The following KRT6B variants were observed in gnomAD, a reference collection of about 807,000 sequenced individuals.
KRT6B encodes keratin 6B.
In KRT6B, 29 loss-of-function variants were observed where a neutral mutation model predicts 44.7. The observed-to-expected ratio is 0.65, with a 90% CI of 0.48 to 0.88. The LOEUF (loss-of-function observed/expected upper bound fraction) is 0.88, where lower values mean the gene tolerates loss of function less well. Among genes scored for constraint, KRT6B ranks in the 40% least tolerant of loss-of-function variants. KRT6B has a pLI of 0.00. For missense variants in KRT6B, 600 were observed against 724.0 expected (o/e 0.83, Z 1.97); for synonymous variants, 213 against 296.0 (o/e 0.72, Z 2.88).
rs780212659 is a variant in KRT6B, at chr12:52,449,850, C to T, written c.820G>A (p.Val274Met). 4.2e-5 allele frequency: 68 copies of T among 1,613,854 alleles called. No individual in the cohort carries two copies. Among genetic ancestry groups the T allele is most frequent in the Non-Finnish European group, 5.5e-5 (65 of 1,179,878 alleles). The change falls in exon 4 of 9, where the codon GTG becomes ATG. Residue 274 changes from valine to methionine, a missense_variant. Transcript: ENST00000252252. ...ACCTTGTTCATGTAGGCAGCATCCA[C>T]ATCCTGGGGAAAGAGCCAACAACCT... Reference protein sequence around the residue: ...ENEFVTLKKDVDAAYMNKVEL... With the variant: ...ENEFVTLKKDMDAAYMNKVEL...
Position 52,447,167 on chromosome 12 carries a change from G to A in KRT6B, c.*23C>T. ...CCAGAGAGGGGCCTGAGAGCTGTGG[G>A]ACTGAGAGCTGGCGGCAGCACTTCA... is the stretch of plus-strand genomic sequence containing the variant. On this transcript the variant is annotated 3_prime_UTR_variant, in exon 9 of 9. Coordinates refer to ENST00000252252, the MANE Select transcript of KRT6B (RefSeq NM_005555.4). The A allele has an allele frequency of 1.2e-6, 2 of 1,613,484 alleles. No individual in the cohort carries two copies. Among genetic ancestry groups the A allele is most frequent in the Non-Finnish European group, 1.7e-6 (2 of 1,179,862 alleles).
At position 52,447,381 on chromosome 12, in the gene KRT6B, C is replaced by T. The variant is rs149152547; in HGVS notation, c.1504G>A (p.Gly502Ser). The T allele has an allele frequency of 1.4e-5, 22 of 1,613,852 alleles. No individual in the cohort carries two copies. Among genetic ancestry groups the T allele is most frequent in the Middle Eastern group, 1.7e-4 (1 of 6,058 alleles). ...TVSSGYGGAS[G>S]VGSGLGLGGG... ...CCCAGGCCTAAGCCACTGCCGACAC[C>T]GCTGGCACCGCCATAGCCACTGGAG... Residue 502 changes from glycine (G) to serine (S), a missense_variant, in exon 9 of 9, where the codon GGT becomes AGT. Physicochemically the swap from Gly to Ser is moderately conservative, Grantham distance 56. This residue lies in a region of KRT6B where 479 missense variants were observed against 454.2 expected (regional missense o/e 1.05). Coordinates refer to ENST00000252252, the MANE Select transcript of KRT6B (RefSeq NM_005555.4).
chr12:52,448,791 T>A lies in KRT6B; in HGVS notation c.1203+51A>T, dbSNP rs374378055. 39 of 1,613,760 alleles carry A rather than the reference T, an allele frequency of 2.4e-5. No individual in the cohort carries two copies. The African/African-American group carries it at 4.5e-4, about 19-fold the overall frequency. ...TAAATGATGGGTGACTACTGCCTCA[T>A]GACCTAATAAAAAAAATGATGCTTT... is the stretch of plus-strand genomic sequence containing the variant. On this transcript the variant is annotated intron_variant, in intron 6 of 8. Coordinates refer to ENST00000252252, the MANE Select transcript of KRT6B (RefSeq NM_005555.4).
Position 52,447,108 on chromosome 12 carries a change from G to A in KRT6B, c.*82C>T, listed in dbSNP as rs1201438382. 2.5e-6 allele frequency: 4 copies of A among 1,574,104 alleles called. No individual in the cohort carries two copies. The highest frequency in any genetic ancestry group is 1.3e-5 in the African/African-American group (1 of 74,132). The stretch of plus-strand genomic sequence containing the variant: ...AGGGCAGGGGAGACTGGAGGCCAGG[G>A]GAGGACAAGCAACCTGAGGAGAGGG... On this transcript the variant is annotated 3_prime_UTR_variant, in exon 9 of 9. Coordinates refer to ENST00000252252, the MANE Select transcript of KRT6B (RefSeq NM_005555.4).
chr12:52,448,857 G>C lies in KRT6B; in HGVS notation c.1188C>G (p.Asp396Glu). 2.5e-6 allele frequency: 4 copies of C among 1,614,030 alleles called. No individual in the cohort carries two copies. Among genetic ancestry groups the C allele is most frequent in the Non-Finnish European group, 1.7e-6 (2 of 1,180,020 alleles). The change falls in exon 6 of 9, where the codon GAC (aspartate) becomes GAG (glutamate). Residue 396 changes from aspartate to glutamate, a missense_variant. Transcript: ENST00000252252. ...CTCACCATACCTGCTTCTTGACGTG[G>C]TCGATCTCAGATCTCAGCCTCTGGA... ...RMIQRLRSEI[D>E]HVKKQCANLQ...
Position 52,446,787 on chromosome 12 carries a change from C to G in KRT6B, c.*403G>C. The G allele has an allele frequency of 3.7e-6, 1 of 268,044 alleles. No homozygotes were observed. The highest frequency in any genetic ancestry group is 8.6e-5 in the East Asian group (1 of 11,590). 16.6% of individuals were successfully genotyped at this position (268,044 alleles called of 1,614,324 possible). On this transcript the variant is annotated 3_prime_UTR_variant, in exon 9 of 9. Transcript: ENST00000252252. The stretch of plus-strand genomic sequence containing the variant: ...ACACTGCAAGAGAAGATCAGGACAA[C>G]TGACTTGTCAGATGAGAACTCCTGA...
At chr12:52,450,855 C>T (rs1940392722) in intron 1 of KRT6B, among the ~76,000 whole-genome samples, 1 of 152,250 alleles carries the variant, frequency 6.6e-6, no homozygotes, top group Non-Finnish European at 1.5e-5. Context: ...AGCTATTGAT[C>T]ATCAGTGAGT....
At chr12:52,451,472 A>G in intron 1 of KRT6B, 67 bp downstream of exon 1, 1 of 1,613,140 alleles carries the variant, frequency 6.2e-7, no homozygotes, top group African/African-American at 1.3e-5. Flanking sequence ...TCTCTCCGGC[A>G]GGAAGGTGTT....
intron 5 of KRT6B, 113 bp downstream of exon 5, chr12:52,449,356 C>T: frequency 1.3e-6 from 2 of 1,484,236 alleles, no homozygotes; most frequent in South Asian, 1.1e-5. Context: ...AGTGCATGTC[C>T]TGTGAGAGGA....
chr12:52,450,191 G>A, intron 2 of KRT6B, 119 bp from the exon 3 acceptor site: 1 of 1,580,912 alleles, frequency 6.3e-7, no homozygotes, highest in South Asian at 1.1e-5. Flanking sequence ...TCCTGCCACA[G>A]AGAGCCAAAG....
In KRT6B at chr12:52,452,007, C is replaced by A. The variant is rs764749883; in HGVS notation, c.72G>T (p.Arg24Ser). Residue 24 changes from arginine (R) to serine (S), a missense_variant, in exon 1 of 9, where the codon AGG (arginine) becomes AGT (serine). Physicochemically the swap from Arg to Ser is moderately radical, Grantham distance 110. Around this residue, in one of 4 missense-constraint regions of KRT6B, gnomAD observed 78 missense variants for 97.5 expected, o/e 0.80. Coordinates refer to ENST00000252252, the MANE Select transcript of KRT6B (RefSeq NM_005555.4). ...SRRGFSANSA[R>S]LPGVSRSGFS... ...AGCCAGAGCGGCTGACCCCAGGGAGCCTGGCTGAGTTGGCACTGAAACCCC... is the reference window on the plus strand; with the variant it reads ...AGCCAGAGCGGCTGACCCCAGGGAGACTGGCTGAGTTGGCACTGAAACCCC... 167 of 1,613,818 alleles carry A rather than the reference C, an allele frequency of 1.0e-4. 1 individual carries two copies. The highest frequency in any genetic ancestry group is 1.4e-4 in the Non-Finnish European group (164 of 1,179,898).
chr12:52,451,277 C>T (rs1432376032), intron 1 of KRT6B, among the ~76,000 whole-genome samples: 2 of 149,590 alleles, frequency 1.3e-5, no homozygotes, highest in Non-Finnish European at 3.0e-5. Context: ...ACCTACTCCA[C>T]TCTCTGATGG....
intron 6 of KRT6B, 117 bp from the exon 7 acceptor site, chr12:52,448,115 G>A: frequency 7.6e-7 from 1 of 1,313,200 alleles, no homozygotes; most frequent in East Asian, 2.4e-5. Context: ...TGGTAAATGA[G>A]CTCTGACTCT....
chr12:52,450,917 A>C (rs1306023030), intron 1 of KRT6B, among the ~76,000 whole-genome samples: 1 of 152,246 alleles, frequency 6.6e-6, no homozygotes. Context: ...TCTAGTTTAA[A>C]AATACTAATT....
intron 7 of KRT6B, 22 bp from the exon 8 acceptor site, chr12:52,447,595 G>A (rs1455563855): frequency 1.9e-6 from 3 of 1,613,912 alleles, no homozygotes; most frequent in Non-Finnish European, 2.5e-6. Flanking sequence ...AACACAGGGA[G>A]GGTGAGACCT....
intron 3 of KRT6B, 28 bp downstream of exon 3, chr12:52,449,984 A>T: frequency 6.2e-7 from 1 of 1,613,858 alleles, no homozygotes; most frequent in Non-Finnish European, 8.5e-7. Context: ...TTCTAAATGA[A>T]TTTGAACCCC....
In KRT6B at chr12:52,447,283, G is replaced by T; in HGVS notation, c.1602C>A (p.Ala534=). 6.2e-7 allele frequency: 1 copy of T among 1,614,028 alleles called. No homozygotes were observed. Among genetic ancestry groups the T allele is most frequent in the East Asian group, 2.2e-5 (1 of 44,882 alleles). Reference sequence around the variant, plus strand: ...CAACAGAGCTGAGGCCACCCCCAGTGGCTCTGCCGCTGCTGGAACTAAAGC... The same window carrying T: ...CAACAGAGCTGAGGCCACCCCCAGTTGCTCTGCCGCTGCTGGAACTAAAGC... ...GGGFSSSSGR[A]TGGGLSSVGG... The change falls in exon 9 of 9, where the codon GCC becomes GCA. Residue 534 remains alanine, a synonymous_variant. Transcript: ENST00000252252.
At chr12:52,447,730 C>A (rs771242033) in intron 7 of KRT6B, 48 bp downstream of exon 7, 14 of 1,614,172 alleles carry the variant, frequency 8.7e-6, no homozygotes, top group Non-Finnish European at 1.2e-5. Context: ...AGTGCCAGAA[C>A]CTTGAAGATG....
chr12:52,449,558 G>A lies in KRT6B; in HGVS notation c.988C>T (p.Leu330=), dbSNP rs1238611853. ...TTGACCTCAGCGATGATGCTGTCCAGGTCCAGGTTGCGGTTGTTGTCCATG... is the reference window on the plus strand; with the variant it reads ...TTGACCTCAGCGATGATGCTGTCCAAGTCCAGGTTGCGGTTGTTGTCCATG... ...LSMDNNRNLD[L]DSIIAEVKAQ... is the part of the protein sequence containing the mutation. The change falls in exon 5 of 9, where the codon CTG becomes TTG. Residue 330 remains leucine (L), a synonymous_variant. Coordinates refer to ENST00000252252, the MANE Select transcript of KRT6B (RefSeq NM_005555.4). 1.2e-6 allele frequency: 2 copies of A among 1,614,188 alleles called. No individual in the cohort carries two copies. Among genetic ancestry groups the A allele is most frequent in the Admixed American group, 3.3e-5 (2 of 60,030 alleles).
Sources: gnomAD v4.1 joint callset for allele counts (sites outside exome capture counted in the v4.1 genomes callset) on GRCh38, gnomAD v4.1.1 for gene constraint, gnomAD v4.1.1 regional missense constraint, MANE v1.5 for transcripts, NCBI Gene and HGNC (gene_info 2026-07-23, HGNC 2026-07-21) for gene names.